The following DMD variants were observed in gnomAD, a reference collection of about 807,000 sequenced individuals.
DMD encodes the protein mutant dystrophin.
In DMD, 63 loss-of-function variants were observed where a neutral mutation model predicts 330.1. The ratio of observed to expected loss-of-function variants is 0.19; its 90% CI spans 0.16 to 0.24. The LOEUF is 0.24. Among genes scored for constraint, DMD ranks in the 10% least tolerant of loss-of-function variants. The probability of loss-of-function intolerance (pLI) is 1.00; values close to 1 mark genes in which losing one functional copy is unlikely to be tolerated. For synonymous variants in DMD, 1,223 were observed against 959.8 expected, an observed-to-expected ratio of 1.27 and a Z score of -5.07; for missense variants, 3,344 against 2,684.1, an observed-to-expected ratio of 1.25 and a Z score of -5.43.
intron 43 of DMD, among the ~76,000 whole-genome samples, chrX:32,268,651 C>G (rs759862568): frequency 9.0e-6 from 1 of 111,552 alleles, no homozygotes; most frequent in African/African-American, 3.3e-5. Context: ...ATGTAAGAAC[C>G]CAAACTGAGA....
At chrX:33,174,789 A>G (rs1190132741) in intron 1 of DMD, among the ~76,000 whole-genome samples, 3 of 112,381 alleles carry the variant, frequency 2.7e-5, no homozygotes, top group Non-Finnish European at 5.6e-5. Context: ...ATGCCTTATC[A>G]TGAAATTCAT....
intron 1 of DMD, among the ~76,000 whole-genome samples, chrX:33,107,157 C>G (rs2095295501): frequency 9.0e-6 from 1 of 110,959 alleles, no homozygotes; most frequent in Non-Finnish European, 1.9e-5. Flanking sequence ...ACTAAAAATA[C>G]AAAAATTAGC....
At chrX:32,477,743 C>G (rs1272881446) in intron 21 of DMD, among the ~76,000 whole-genome samples, 2 of 110,487 alleles carry the variant, frequency 1.8e-5, no homozygotes, top group Admixed American at 9.7e-5. Context: ...AAAAAAATCT[C>G]TCCTCTTGAA....
chrX:32,086,001 C>G (rs2096436510), intron 44 of DMD, among the ~76,000 whole-genome samples: 1 of 111,882 alleles, frequency 8.9e-6, no homozygotes, highest in Non-Finnish European at 1.9e-5. Context: ...TATTATGCAG[C>G]CCATAAAATG....
intron 7 of DMD, among the ~76,000 whole-genome samples, chrX:32,699,772 C>T (rs900885435): frequency 1.8e-5 from 2 of 111,546 alleles, no homozygotes; most frequent in African/African-American, 3.3e-5. Flanking sequence ...TTAAAGTATG[C>T]AGAGAGCTAA....
intron 13 of DMD, among the ~76,000 whole-genome samples, chrX:32,588,006 A>T (rs1209560818): frequency 9.0e-6 from 1 of 111,315 alleles, no homozygotes; most frequent in Non-Finnish European, 1.9e-5. Flanking sequence ...ACAGAGCAGG[A>T]AGGGTCTATT....
chrX:31,894,689 C>T (rs1056900505), intron 47 of DMD, among the ~76,000 whole-genome samples: 6 of 112,076 alleles, frequency 5.4e-5, no homozygotes, highest in African/African-American at 9.7e-5. Flanking sequence ...GTCTACACAT[C>T]GCTGTCCATT....
intron 65 of DMD, among the ~76,000 whole-genome samples, chrX:31,208,478 C>T (rs764574127): frequency 5.9e-4 from 66 of 111,942 alleles, no homozygotes; most frequent in Non-Finnish European, 7.9e-4. Context: ...AACCTGAATA[C>T]AAACTCTTAT....
At chrX:32,705,084 G>A (rs1472619340) in intron 7 of DMD, among the ~76,000 whole-genome samples, 1 of 109,975 alleles carries the variant, frequency 9.1e-6, no homozygotes, top group Non-Finnish European at 1.9e-5. Context: ...AGCACTGACT[G>A]CATTGTACAT....
intron 1 of DMD, among the ~76,000 whole-genome samples, chrX:33,043,874 T>C (rs1211063352): frequency 9.9e-6 from 1 of 100,510 alleles, no homozygotes; most frequent in African/African-American, 3.6e-5. Context: ...GTGAGGGAAT[T>C]AGAATTTTGT....
At chrX:32,549,090 C>G (rs1041744346) in intron 16 of DMD, among the ~76,000 whole-genome samples, 1 of 110,898 alleles carries the variant, frequency 9.0e-6, no homozygotes, top group Non-Finnish European at 1.9e-5. Flanking sequence ...AGTTAATTTC[C>G]CTAGTAAAAA....
At chrX:32,135,502 G>A (rs1016585469) in intron 44 of DMD, among the ~76,000 whole-genome samples, 2 of 112,239 alleles carry the variant, frequency 1.8e-5, no homozygotes, top group Admixed American at 1.9e-4. Context: ...AGGCCAAGGT[G>A]GGCAGATTGC....
At chrX:31,801,579 ATC>A (rs768239627) in intron 50 of DMD, among the ~76,000 whole-genome samples, 1 of 74,218 alleles carries the variant, frequency 1.3e-5, no homozygotes, top group Non-Finnish European at 2.6e-5. Flanking sequence ...AAGTGTCCTC[ATC>A]CCCCCCCCCC....
Position 33,190,910 on chromosome X carries a change from AATAT to A in DMD, c.31+20368_31+20371del, listed in dbSNP as rs1569557990. Among the ~76,000 whole-genome samples the A allele has an allele frequency of 1.1e-3, 15 of 13,655 alleles. 3 individuals are homozygous for A. Among genetic ancestry groups the A allele is most frequent in the East Asian group, 7.8e-3 (2 of 255 alleles). The allele number at this position is 13,655 out of a possible 115,157, so 11.9% of individuals were successfully genotyped here. On this transcript the variant is annotated intron_variant, in intron 1 of 78. Coordinates refer to ENST00000357033, the MANE Select transcript of DMD (RefSeq NM_004006.3). The stretch of plus-strand genomic sequence containing the variant: ...TAATATTATATATTATATAATATAT[AATAT>A]TATATATATAATATTATATATATAT...
At chrX:31,589,360 T>C (rs772001815) in intron 55 of DMD, among the ~76,000 whole-genome samples, 3 of 111,546 alleles carry the variant, frequency 2.7e-5, no homozygotes, top group South Asian at 7.5e-4. Flanking sequence ...TTCCGGGTTC[T>C]ATCCTATCCC....
intron 60 of DMD, among the ~76,000 whole-genome samples, chrX:31,358,406 A>C (rs2058769332): frequency 9.0e-6 from 1 of 111,402 alleles, no homozygotes; most frequent in African/African-American, 3.3e-5. Flanking sequence ...TCTTTCACGA[A>C]AGCAAGAAAT....
chrX:33,098,854 C>T (rs1423126946), intron 1 of DMD, among the ~76,000 whole-genome samples: 1 of 111,366 alleles, frequency 9.0e-6, no homozygotes, highest in East Asian at 2.8e-4. Flanking sequence ...CTGTATTTGT[C>T]CCGATTGGCT....
At chrX:31,192,630 G>A (rs910837865) in intron 67 of DMD, among the ~76,000 whole-genome samples, 2 of 111,892 alleles carry the variant, frequency 1.8e-5, no homozygotes, top group African/African-American at 6.5e-5. Context: ...ATTTAGCATA[G>A]AATCAAAGAC....
intron 47 of DMD, among the ~76,000 whole-genome samples, chrX:31,893,151 G>C (rs1227595603): frequency 9.0e-6 from 1 of 111,675 alleles, no homozygotes; most frequent in Non-Finnish European, 1.9e-5. Context: ...GAGGTAAAGA[G>C]GTTTTCTTAT....
Sources: gnomAD v4.1 joint callset for allele counts (sites outside exome capture counted in the v4.1 genomes callset) on GRCh38, gnomAD v4.1.1 for gene constraint, MANE v1.5 for transcripts, NCBI Gene and HGNC (gene_info 2026-07-23, HGNC 2026-07-21) for gene names.